The following CKAP5 variants were observed in gnomAD, a reference collection of about 807,000 sequenced individuals.
The protein encoded by CKAP5 is cytoskeleton-associated protein 5.
A neutral mutation model predicts 232.8 loss-of-function variants in CKAP5; 27 were observed. The ratio of observed to expected loss-of-function variants is 0.12; its 90% CI spans 0.09 to 0.16. The LOEUF is 0.16. Ranked by LOEUF, CKAP5 falls within the 10% of genes least tolerant of loss-of-function variation. CKAP5 has a pLI of 1.00. For synonymous variants in CKAP5, 785 were observed against 841.1 expected (o/e 0.93, Z 1.16); for missense variants, 1,838 against 2,424.7 (o/e 0.76, Z 5.08).
chr11:46,751,838 GAGTAA>G (rs1217995873), intron 38 of CKAP5, among the ~76,000 whole-genome samples: 1 of 152,030 alleles, frequency 6.6e-6, no homozygotes, highest in Non-Finnish European at 1.5e-5. Flanking sequence ...TCGTTCCTGA[GAGTAA>G]AGTAGTTCAT....
chr11:46,770,775 C>T lies in CKAP5; in HGVS notation c.3186+13G>A, dbSNP rs569146518. 1.9e-6 allele frequency: 3 copies of T among 1,609,638 alleles called. No individual in the cohort carries two copies. The highest frequency in any genetic ancestry group is 2.5e-6 in the Non-Finnish European group (3 of 1,177,366). On this transcript the variant is annotated intron_variant, in intron 25 of 43. Transcript: ENST00000529230. The stretch of plus-strand genomic sequence containing the variant: ...TAGCTTTTAACAGCAGTAGCAGCAA[C>T]AAGAAGTAGTACCTTTAGTTTCCCA...
At chr11:46,746,808 C>T (rs1221646104) in intron 42 of CKAP5, among the ~76,000 whole-genome samples, 1 of 152,194 alleles carries the variant, frequency 6.6e-6, no homozygotes, top group Non-Finnish European at 1.5e-5. Flanking sequence ...ATTATGACAG[C>T]TATGGTATCA....
At chr11:46,774,902 A>G (rs1251927168) in intron 24 of CKAP5, among the ~76,000 whole-genome samples, 1 of 151,928 alleles carries the variant, frequency 6.6e-6, no homozygotes, top group East Asian at 1.9e-4. Context: ...GAAAACCTAG[A>G]ATACCATTCA....
intron 1 of CKAP5, among the ~76,000 whole-genome samples, chr11:46,839,493 G>A (rs1375863103): frequency 1.3e-5 from 2 of 152,126 alleles, no homozygotes; most frequent in African/African-American, 2.4e-5. Flanking sequence ...CAATTTTTAT[G>A]CGTCCCTTTA....
Position 46,790,148 on chromosome 11 carries a change from G to A in CKAP5, c.1803C>T (p.Pro601=). ...VCEEKASAVL[P]PTCIQLLDSS... ...TGTCAAGAAGCTGTATACAGGTAGGGGGAAGAACAGCTGAAGCTTTTTCTT... is the reference window on the plus strand; with the variant it reads ...TGTCAAGAAGCTGTATACAGGTAGGAGGAAGAACAGCTGAAGCTTTTTCTT... Residue 601 remains proline, a synonymous_variant, in exon 15 of 44, where the codon CCC becomes CCT. Transcript: ENST00000529230. 4 of 1,610,482 alleles carry A rather than the reference G, an allele frequency of 2.5e-6. No homozygotes were observed. Among genetic ancestry groups the A allele is most frequent in the Non-Finnish European group, 3.4e-6 (4 of 1,177,454 alleles).
At chr11:46,752,193 T>TATACATACAC (rs1408030107) in intron 38 of CKAP5, among the ~76,000 whole-genome samples, 2 of 66,574 alleles carry the variant, frequency 3.0e-5, no homozygotes, top group African/African-American at 1.0e-4. Context: ...TATATATATA[T>TATACATACAC]ACACACACAC....
chr11:46,844,201 G>A (rs1449946628), intron 1 of CKAP5, among the ~76,000 whole-genome samples: 3 of 150,222 alleles, frequency 2.0e-5, no homozygotes, highest in South Asian at 2.1e-4. Context: ...TAGCCTGGGC[G>A]AAAGAGCAAG....
At chr11:46,810,315 GATTC>G (rs144046273) in intron 5 of CKAP5, among the ~76,000 whole-genome samples, 1 of 151,956 alleles carries the variant, frequency 6.6e-6, no homozygotes, top group East Asian at 1.9e-4. Context: ...AAACAAGAAA[GATTC>G]ATTCATTCAT....
rs912595270 is a variant in CKAP5, at chr11:46,759,302, T to C, written c.4535A>G (p.Asp1512Gly). ...MPELVQHKLD[D>G]IFEPVLIPEP... ...AGGAATAAGGACTGGCTCAAAAATG[T>C]CATCCAGTTTGTGCTGAACAAGTTC... Residue 1512 changes from aspartate (D) to glycine (G), a missense_variant, in exon 34 of 44, where the codon GAC becomes GGC. Around this residue, in one of 6 missense-constraint regions of CKAP5, gnomAD observed 579 missense variants for 843.2 expected, o/e 0.69. Coordinates refer to ENST00000529230, the MANE Select transcript of CKAP5 (RefSeq NM_001008938.4). The C allele has an allele frequency of 6.2e-7, 1 of 1,614,008 alleles. No homozygotes were observed. Among genetic ancestry groups the C allele is most frequent in the African/African-American group, 1.3e-5 (1 of 75,050 alleles).
At chr11:46,839,917 T>C (rs1453389245) in intron 1 of CKAP5, among the ~76,000 whole-genome samples, 1 of 152,090 alleles carries the variant, frequency 6.6e-6, no homozygotes, top group Non-Finnish European at 1.5e-5. Context: ...GGAGGGCAGA[T>C]TGCTTAAGCC....
Position 46,782,948 on chromosome 11 carries a change from C to T in CKAP5, c.2249+326G>A, listed in dbSNP as rs148159374. On this transcript the variant is annotated intron_variant, in intron 18 of 43. Coordinates refer to ENST00000529230, the MANE Select transcript of CKAP5 (RefSeq NM_001008938.4). ...TCTGACAGCAGTTAATTCGCCAAGGCATACTATAGGTCTTTAAACAAATGT... is the reference window on the plus strand; with the variant it reads ...TCTGACAGCAGTTAATTCGCCAAGGTATACTATAGGTCTTTAAACAAATGT... Among the ~76,000 whole-genome samples, 8 of 152,280 alleles carry T rather than the reference C, an allele frequency of 5.3e-5. No individual in the cohort carries two copies. In the East Asian group the frequency reaches 1.3e-3, roughly 26 times the overall value.
chr11:46,767,173 C>A (rs542573675), intron 27 of CKAP5, among the ~76,000 whole-genome samples: 2 of 152,154 alleles, frequency 1.3e-5, no homozygotes, highest in Admixed American at 6.6e-5. Context: ...AGGTGTGCCA[C>A]CATGCCCAAC....
intron 8 of CKAP5, among the ~76,000 whole-genome samples, chr11:46,805,189 C>T (rs931431620): frequency 6.6e-6 from 1 of 151,974 alleles, no homozygotes; most frequent in African/African-American, 2.4e-5. Flanking sequence ...GAGCTGAGAT[C>T]GTGCCACTGC....
At chr11:46,829,258 T>G (rs1355939926) in intron 1 of CKAP5, among the ~76,000 whole-genome samples, 1 of 152,194 alleles carries the variant, frequency 6.6e-6, no homozygotes, top group African/African-American at 2.4e-5. Flanking sequence ...GACATGAGGA[T>G]GACAAGGATG....
At chr11:46,816,869 G>T (rs1263770495) in intron 3 of CKAP5, among the ~76,000 whole-genome samples, 1 of 150,990 alleles carries the variant, frequency 6.6e-6, no homozygotes, top group African/African-American at 2.4e-5. Flanking sequence ...CACTTTGGGA[G>T]GCTGAGGCGG....
In CKAP5 at chr11:46,778,593, C is replaced by T; in HGVS notation, c.2440G>A (p.Gly814Arg). The change falls in exon 21 of 44, where the codon GGA becomes AGA. Residue 814 changes from glycine (G) to arginine (R), a missense_variant. Physicochemically the swap from Gly to Arg is moderately radical, Grantham distance 125. Coordinates refer to ENST00000529230, the MANE Select transcript of CKAP5 (RefSeq NM_001008938.4). ...CTGGTTGGAGCAGGTGGACTTTGTC[C>T]CTGCATCTATACACAAATGAATGAG... ...QIDAEFEKMQ[G>R]QSPPAPTRGI... 1 of 1,613,500 alleles carries T rather than the reference C, an allele frequency of 6.2e-7. No homozygotes were observed. The highest frequency in any genetic ancestry group is 8.5e-7 in the Non-Finnish European group (1 of 1,179,716).
intron 1 of CKAP5, among the ~76,000 whole-genome samples, chr11:46,844,205 G>A (rs1334306038): frequency 1.3e-5 from 2 of 149,184 alleles, no homozygotes; most frequent in Non-Finnish European, 3.0e-5. Flanking sequence ...CTGGGCGAAA[G>A]AGCAAGACTC....
chr11:46,770,112 A>G lies in CKAP5; in HGVS notation c.3187-14T>C. On this transcript the variant is annotated splice_polypyrimidine_tract_variant and intron_variant, in intron 25 of 43. Coordinates refer to ENST00000529230, the MANE Select transcript of CKAP5 (RefSeq NM_001008938.4). ...TTTAGAAGTTGGCTAGAGAGACAAA[A>G]TGACATAAAAAGTGAGAGGTCACAT... 1 of 1,613,136 alleles carries G rather than the reference A, an allele frequency of 6.2e-7. No individual in the cohort carries two copies. The highest frequency in any genetic ancestry group is 8.5e-7 in the Non-Finnish European group (1 of 1,179,204).
At chr11:46,810,465 T>C (rs776639796) in intron 5 of CKAP5, among the ~76,000 whole-genome samples, 13 of 152,078 alleles carry the variant, frequency 8.5e-5, no homozygotes, top group Non-Finnish European at 1.3e-4. Flanking sequence ...TGTGCTACCA[T>C]GCTTGGCTAA....
Sources: allele counts gnomAD v4.1 joint callset (sites outside exome capture counted in the v4.1 genomes callset), GRCh38; gene constraint gnomAD v4.1.1; regional missense constraint gnomAD v4.1.1; transcripts MANE v1.5; gene names NCBI Gene and HGNC (gene_info 2026-07-23, HGNC 2026-07-21).